The following PTPA variants were observed in gnomAD, a reference collection of about 807,000 sequenced individuals.
PTPA encodes serine/threonine-protein phosphatase 2A activator.
Under a neutral mutation model 43.6 loss-of-function variants are expected in PTPA, and 13 were observed. That is an observed-to-expected ratio of 0.30 (90% CI 0.19 to 0.47). The LOEUF (loss-of-function observed/expected upper bound fraction) is 0.47, where lower values mean the gene tolerates loss of function less well. Ranked by LOEUF, PTPA falls within the 20% of genes least tolerant of loss-of-function variation. The pLI is 0.99. For missense variants in PTPA, 329 were observed against 411.9 expected (o/e 0.80, Z 1.74); for synonymous variants, 172 against 158.2 (o/e 1.09, Z -0.66).
chr9:129,123,365 A>C (rs1037322557), intron 3 of PTPA, among the ~76,000 whole-genome samples: 2 of 152,034 alleles, frequency 1.3e-5, no homozygotes, highest in African/African-American at 4.8e-5. Flanking sequence ...CCAGCTACTC[A>C]GGAGGCTGAG....
intron 8 of PTPA, among the ~76,000 whole-genome samples, chr9:129,141,276 TGTG>T (rs1295591912): frequency 1.3e-5 from 2 of 152,114 alleles, no homozygotes; most frequent in African/African-American, 4.8e-5. Flanking sequence ...TGAGGGCTCT[TGTG>T]GTGAACTGAT....
At chr9:129,111,718 GAC>G in intron 1 of PTPA, 87 bp downstream of exon 1, 2 of 1,242,188 alleles carry the variant, frequency 1.6e-6, no homozygotes, top group Non-Finnish European at 2.0e-6. Context: ...CGAGAGTCAT[GAC>G]ACGGAGGAAC....
At chr9:129,111,219 C>T, upstream of PTPA, 2 of 1,137,342 alleles carry the variant, frequency 1.8e-6, no homozygotes, top group South Asian at 1.6e-5. Context: ...CATGGCTGAG[C>T]ACAACCCAAA....
At chr9:129,137,951 C>T (rs1850490708) in intron 8 of PTPA, 2 of 479,546 alleles carry the variant, frequency 4.2e-6, no homozygotes, top group Non-Finnish European at 7.9e-6. Context: ...AAGACTTGGT[C>T]ACTAACTGGC....
At chr9:129,120,215 G>T (rs1007611120) in intron 1 of PTPA, among the ~76,000 whole-genome samples, 17 of 151,812 alleles carry the variant, frequency 1.1e-4, no homozygotes, top group African/African-American at 4.1e-4. Context: ...CTGAGATCGC[G>T]CCACTGCACT....
At chr9:129,130,261 G>T (rs971688411) in intron 4 of PTPA, among the ~76,000 whole-genome samples, 6 of 152,274 alleles carry the variant, frequency 3.9e-5, no homozygotes, top group African/African-American at 1.4e-4. Context: ...CATGCCAGTT[G>T]TCTACAACTG....
chr9:129,125,921 G>A (rs1402203039), intron 3 of PTPA, among the ~76,000 whole-genome samples: 1 of 152,120 alleles, frequency 6.6e-6, no homozygotes, highest in Non-Finnish European at 1.5e-5. Context: ...GGCCAAGGCG[G>A]GTGAATCATG....
chr9:129,142,878 T>G, intron 9 of PTPA: 1 of 1,509,244 alleles, frequency 6.6e-7, no homozygotes, highest in South Asian at 1.2e-5. Context: ...GGCCAAAGGC[T>G]CCTCAAAGCT....
chr9:129,145,972 A>AG (rs1035781860), intron 9 of PTPA, among the ~76,000 whole-genome samples: 1 of 151,978 alleles, frequency 6.6e-6, no homozygotes, highest in African/African-American at 2.4e-5. Context: ...TGTGGCTCTG[A>AG]GGGGGCTGGC....
Position 129,117,883 on chromosome 9 carries a change from A to T in PTPA, c.32-2630A>T, listed in dbSNP as rs532829027. Among the ~76,000 whole-genome samples the T allele has an allele frequency of 4.6e-5, 7 of 151,028 alleles. 1 individual carries two copies. The East Asian group carries it at 9.8e-4, about 21-fold the overall frequency. On this transcript the variant is annotated intron_variant, in intron 1 of 9. Coordinates refer to ENST00000393370, the MANE Select transcript of PTPA (RefSeq NM_178000.3). ...GGCTAATTTTTGTATTTTTTAGTAGAGATGGGGTTTCAATATGTTTCCCAG... is the reference window on the plus strand; with the variant it reads ...GGCTAATTTTTGTATTTTTTAGTAGTGATGGGGTTTCAATATGTTTCCCAG...
At chr9:129,117,981 G>A (rs564540218) in intron 1 of PTPA, among the ~76,000 whole-genome samples, 15 of 151,986 alleles carry the variant, frequency 9.9e-5, no homozygotes, top group South Asian at 4.2e-4. Flanking sequence ...TTACAGGTGT[G>A]AGTCACCATG....
chr9:129,141,166 A>C (rs1850791768), intron 8 of PTPA, among the ~76,000 whole-genome samples: 1 of 152,010 alleles, frequency 6.6e-6, no homozygotes, highest in Non-Finnish European at 1.5e-5. Flanking sequence ...TTTGACTTAA[A>C]TCTTAAAAGT....
At chr9:129,136,806 C>T (rs568786816) in intron 7 of PTPA, among the ~76,000 whole-genome samples, 6 of 152,228 alleles carry the variant, frequency 3.9e-5, no homozygotes, top group African/African-American at 7.2e-5. Context: ...CTGGAGGAGG[C>T]GGAGGCCAAG....
intron 7 of PTPA, among the ~76,000 whole-genome samples, chr9:129,136,894 C>T (rs1030944366): frequency 1.3e-5 from 2 of 152,098 alleles, no homozygotes; most frequent in South Asian, 2.1e-4. Flanking sequence ...GTGTGAAATG[C>T]GCCCCAGCTC....
rs564294081 is a variant in PTPA at position 129,143,155 on chromosome 9, C to T, written c.894+603C>T. The T allele has an allele frequency of 5.8e-5, 35 of 607,238 alleles. No individual in the cohort carries two copies. The East Asian group carries it at 8.2e-4, about 14-fold the overall frequency. 37.6% of individuals were successfully genotyped at this position (607,238 alleles called of 1,614,324 possible). Reference sequence around the variant, plus strand: ...TGCTGGCAGGCAGCCGAGGGTGTCTCCTGCCCTCTTGGCACTGTTCTCCCA... The same window carrying T: ...TGCTGGCAGGCAGCCGAGGGTGTCTTCTGCCCTCTTGGCACTGTTCTCCCA... On this transcript the variant is annotated intron_variant, in intron 9 of 9. Coordinates refer to ENST00000393370, the MANE Select transcript of PTPA (RefSeq NM_178000.3).
chr9:129,111,980 T>G, intron 1 of PTPA: 1 of 307,506 alleles, frequency 3.3e-6, no homozygotes. Context: ...GTGGGGAAGC[T>G]GCCAGGGAGG....
intron 6 of PTPA, 71 bp from the exon 7 acceptor site, chr9:129,136,400 C>A: frequency 6.7e-7 from 1 of 1,503,230 alleles, no homozygotes; most frequent in African/African-American, 1.4e-5. Context: ...TCCTTGTGCT[C>A]CCAGTGGCCG....
At chr9:129,136,422 C>T (rs1386679389) in intron 6 of PTPA, 49 bp from the exon 7 acceptor site, 4 of 1,567,130 alleles carry the variant, frequency 2.6e-6, no homozygotes, top group Admixed American at 1.8e-5. Context: ...AAGGGTGAGA[C>T]TGTCTTTTTA....
intron 8 of PTPA, among the ~76,000 whole-genome samples, chr9:129,139,048 G>C (rs1001436226): frequency 2.0e-5 from 3 of 152,230 alleles, no homozygotes; most frequent in African/African-American, 7.2e-5. Flanking sequence ...AGCAGGGTGG[G>C]AAGAAGGGTG....
Sources: allele counts gnomAD v4.1 joint callset (sites outside exome capture counted in the v4.1 genomes callset), GRCh38; gene constraint gnomAD v4.1.1; transcripts MANE v1.5; gene names NCBI Gene and HGNC (gene_info 2026-07-23, HGNC 2026-07-21).